Variants in FMNL2 observed in about 807,000 individuals in gnomAD.
FMNL2 encodes formin like 2, also known as formin-like protein 2.
Under a neutral mutation model 130.2 loss-of-function variants are expected in FMNL2, and 51 were observed. The ratio of observed to expected loss-of-function variants is 0.39; its 90% CI spans 0.31 to 0.49. The LOEUF is 0.49. Among genes scored for constraint, FMNL2 ranks in the 20% least tolerant of loss-of-function variants. The pLI, the probability that FMNL2 is intolerant of heterozygous loss-of-function variation, is 0.85. For missense variants in FMNL2, 977 were observed against 1,316.2 expected (o/e 0.74, Z 3.99); for synonymous variants, 465 against 467.1 (o/e 1.00, Z 0.06).
chr2:152,609,037 C>G (rs991775610), intron 10 of FMNL2, among the ~76,000 whole-genome samples: 1 of 152,210 alleles, frequency 6.6e-6, no homozygotes, highest in East Asian at 1.9e-4. Flanking sequence ...ATTCCCTTTG[C>G]GTGACACACA....
intron 9 of FMNL2, among the ~76,000 whole-genome samples, chr2:152,603,168 G>T (rs1698177486): frequency 6.6e-6 from 1 of 152,174 alleles, no homozygotes; most frequent in Non-Finnish European, 1.5e-5. Flanking sequence ...CCTGTGGAAT[G>T]TGTCAGGAAA....
intron 15 of FMNL2, among the ~76,000 whole-genome samples, chr2:152,624,940 T>A (rs553534237): frequency 5.9e-5 from 9 of 152,350 alleles, no homozygotes; most frequent in African/African-American, 2.2e-4. Context: ...TCAGCCTTCA[T>A]GACGTTGTAC....
intron 3 of FMNL2, among the ~76,000 whole-genome samples, 186 bp from the exon 4 acceptor site, chr2:152,548,835 G>A (rs1694789793): frequency 1.3e-5 from 2 of 152,106 alleles, no homozygotes; most frequent in Admixed American, 1.3e-4. Context: ...AGGACTTTTT[G>A]TAGTCCTTTC....
intron 1 of FMNL2, among the ~76,000 whole-genome samples, chr2:152,418,434 C>T (rs950862729): frequency 3.9e-5 from 6 of 152,176 alleles, no homozygotes; most frequent in African/African-American, 1.4e-4. Flanking sequence ...CTGAAACTCT[C>T]TACCCATTAA....
At chr2:152,354,522 C>T (rs1682681237) in intron 1 of FMNL2, among the ~76,000 whole-genome samples, 2 of 152,190 alleles carry the variant, frequency 1.3e-5, no homozygotes, top group South Asian at 4.1e-4. Context: ...CCAGAAGGTT[C>T]TATATTAATC....
intron 2 of FMNL2, among the ~76,000 whole-genome samples, chr2:152,525,127 A>C (rs1452946460): frequency 6.6e-6 from 1 of 152,232 alleles, no homozygotes; most frequent in Admixed American, 6.5e-5. Context: ...TCTGTTTCCA[A>C]ACTCTACTCA....
chr2:152,486,827 G>A (rs1690852981), intron 1 of FMNL2, among the ~76,000 whole-genome samples: 1 of 152,170 alleles, frequency 6.6e-6, no homozygotes, highest in African/African-American at 2.4e-5. Flanking sequence ...ATCGTAACAT[G>A]CCCTGCATCA....
At chr2:152,418,392 C>T (rs962593717) in intron 1 of FMNL2, among the ~76,000 whole-genome samples, 6 of 152,116 alleles carry the variant, frequency 3.9e-5, no homozygotes, top group Admixed American at 2.6e-4. Flanking sequence ...TGATCTTCAC[C>T]GTCTGTGTCC....
chr2:152,441,348 G>A (rs1466282072), intron 1 of FMNL2, among the ~76,000 whole-genome samples: 1 of 152,178 alleles, frequency 6.6e-6, no homozygotes, highest in East Asian at 1.9e-4. Flanking sequence ...CATTTTCTAG[G>A]AAGAGGTGGG....
intron 9 of FMNL2, among the ~76,000 whole-genome samples, chr2:152,590,980 C>CTTTTTTTTTTTTTTTTTTTTT (rs1158391663): frequency 3.0e-5 from 2 of 65,744 alleles, no homozygotes; most frequent in Non-Finnish European, 5.2e-5. Context: ...CCTCTGATAA[C>CTTTTTTTTTTTTTTTTTTTTT]TTTTTTTTTT....
chr2:152,446,755 C>T (rs1341535515), intron 1 of FMNL2, among the ~76,000 whole-genome samples: 2 of 152,130 alleles, frequency 1.3e-5, no homozygotes, highest in African/African-American at 2.4e-5. Context: ...CAAAGGACTT[C>T]GTATGTGTGT....
intron 1 of FMNL2, among the ~76,000 whole-genome samples, chr2:152,447,710 G>A (rs1361218397): frequency 6.6e-6 from 1 of 152,098 alleles, no homozygotes. Context: ...GATTACTGCT[G>A]CTAATAACTT....
At chr2:152,348,074 C>A (rs1040734611) in intron 1 of FMNL2, among the ~76,000 whole-genome samples, 2 of 152,162 alleles carry the variant, frequency 1.3e-5, no homozygotes, top group Non-Finnish European at 2.9e-5. Context: ...TACCAGCCTT[C>A]AAAGTTTTCT....
intron 15 of FMNL2, among the ~76,000 whole-genome samples, chr2:152,623,895 C>T (rs66492085): frequency 0.13 from 20,266 of 151,758 alleles, 1,603 homozygotes; most frequent in Middle Eastern, 0.25. Flanking sequence ...CCCATTCTCT[C>T]TATTAAGAGG....
At chr2:152,430,224 T>C (rs1052632228) in intron 1 of FMNL2, among the ~76,000 whole-genome samples, 2 of 152,228 alleles carry the variant, frequency 1.3e-5, no homozygotes, top group African/African-American at 4.8e-5. Flanking sequence ...GAGACTGTAC[T>C]GTGCTTGAGT....
chr2:152,455,316 G>C (rs1688889686), intron 1 of FMNL2, among the ~76,000 whole-genome samples: 1 of 152,184 alleles, frequency 6.6e-6, no homozygotes, highest in Admixed American at 6.5e-5. Context: ...AGCAAATAAA[G>C]AAGGAAATGG....
chr2:152,479,426 T>A (rs1690352973), intron 1 of FMNL2, among the ~76,000 whole-genome samples: 1 of 152,088 alleles, frequency 6.6e-6, no homozygotes, highest in African/African-American at 2.4e-5. Context: ...ATTACAGGAG[T>A]GAGCCACTGC....
chr2:152,614,532 C>T (rs111946020), intron 11 of FMNL2, among the ~76,000 whole-genome samples: 1 of 152,166 alleles, frequency 6.6e-6, no homozygotes, highest in Non-Finnish European at 1.5e-5. Context: ...ATCACGAGGT[C>T]AGGAGATCGA....
At chr2:152,598,545 C>T (rs1227198064) in intron 9 of FMNL2, among the ~76,000 whole-genome samples, 2 of 152,094 alleles carry the variant, frequency 1.3e-5, no homozygotes, top group Non-Finnish European at 2.9e-5. Flanking sequence ...AAAAATTACC[C>T]AGGCCTGGTG....
Sources: allele counts gnomAD v4.1 joint callset (sites outside exome capture counted in the v4.1 genomes callset), GRCh38; gene constraint gnomAD v4.1.1; transcripts MANE v1.5; gene names NCBI Gene and HGNC (gene_info 2026-07-23, HGNC 2026-07-21).